TENM2: variants seen among roughly 807,000 people sequenced by gnomAD.
TENM2 encodes the protein teneurin-2.
In TENM2, 52 loss-of-function variants were observed where a neutral mutation model predicts 245.2. That is an observed-to-expected ratio of 0.21 (90% CI 0.17 to 0.27). The LOEUF is 0.27. Ranked by LOEUF, TENM2 falls within the 10% of genes least tolerant of loss-of-function variation. TENM2 has a pLI of 1.00. For synonymous variants in TENM2, 1,363 were observed against 1,438.9 expected, an observed-to-expected ratio of 0.95 and a Z score of 1.19; for missense variants, 3,046 against 3,666.8, an observed-to-expected ratio of 0.83 and a Z score of 4.37.
At chr5:167,208,914 C>T in the TENM2 span, among the ~76,000 whole-genome samples, 2 of 152,170 alleles carry the variant, frequency 1.3e-5, no homozygotes, top group African/African-American at 4.8e-5. Flanking sequence ...AGAATGAGAA[C>T]ATAGTTACTC....
intron 12 of TENM2, among the ~76,000 whole-genome samples, chr5:168,141,683 G>A (rs1428576613): frequency 6.6e-6 from 1 of 152,162 alleles, no homozygotes; most frequent in South Asian, 2.1e-4. Context: ...AAGGTATATA[G>A]ATTTAAAAAG....
intron 4 of TENM2, among the ~76,000 whole-genome samples, chr5:167,958,412 T>G (rs746814187): frequency 6.6e-6 from 1 of 152,222 alleles, no homozygotes; most frequent in Admixed American, 6.5e-5. Context: ...AGCACACTGA[T>G]GGGTCTTGAC....
At chr5:168,107,367 C>A (rs1003287224) in intron 9 of TENM2, among the ~76,000 whole-genome samples, 5 of 152,208 alleles carry the variant, frequency 3.3e-5, no homozygotes, top group South Asian at 4.1e-4. Context: ...GGGCATGTCA[C>A]TACTGTCCTC....
intron 2 of TENM2, among the ~76,000 whole-genome samples, chr5:167,657,564 T>C (rs544030152): frequency 6.6e-6 from 1 of 152,364 alleles, no homozygotes; most frequent in African/African-American, 2.4e-5. Context: ...CTCCATACTG[T>C]CCTTCACAGT....
chr5:167,941,712 G>C (rs1328430789), intron 3 of TENM2, among the ~76,000 whole-genome samples: 1 of 151,318 alleles, frequency 6.6e-6, no homozygotes, highest in Non-Finnish European at 1.5e-5. Context: ...AAATTAGCCA[G>C]GCATGGTGGT....
At chr5:167,638,641 AT>A (rs1779366899) in intron 2 of TENM2, among the ~76,000 whole-genome samples, 1 of 152,258 alleles carries the variant, frequency 6.6e-6, no homozygotes, top group Non-Finnish European at 1.5e-5. Context: ...TAGATAGATT[AT>A]TTAAAGATCA....
At chr5:167,769,791 G>A (rs534679973) in intron 2 of TENM2, among the ~76,000 whole-genome samples, 2 of 152,262 alleles carry the variant, frequency 1.3e-5, no homozygotes, top group East Asian at 3.9e-4. Flanking sequence ...CCAGGCTATT[G>A]CCTATGAATA....
intron 2 of TENM2, among the ~76,000 whole-genome samples, chr5:167,750,825 T>C (rs538107739): frequency 6.6e-6 from 1 of 152,282 alleles, no homozygotes; most frequent in South Asian, 2.1e-4. Context: ...CATGGCTGTT[T>C]AGAAGGTTTC....
chr5:167,128,374 T>G, the TENM2 span, among the ~76,000 whole-genome samples: 1 of 152,108 alleles, frequency 6.6e-6, no homozygotes, highest in African/African-American at 2.4e-5. Context: ...CAGGGGAGTC[T>G]CAAACTTGAT....
chr5:167,711,745 C>A (rs1446224262), intron 2 of TENM2, among the ~76,000 whole-genome samples: 1 of 152,164 alleles, frequency 6.6e-6, no homozygotes, highest in Non-Finnish European at 1.5e-5. Flanking sequence ...TAGACCCAAC[C>A]AGCCACCTGT....
At chr5:167,087,964 A>G in the TENM2 span, among the ~76,000 whole-genome samples, 4 of 151,862 alleles carry the variant, frequency 2.6e-5, no homozygotes, top group Non-Finnish European at 4.4e-5. Flanking sequence ...TAATTTTTGT[A>G]TTTTTAGTAG....
chr5:168,223,850 A>G (rs1763898204), intron 23 of TENM2, among the ~76,000 whole-genome samples: 1 of 152,070 alleles, frequency 6.6e-6, no homozygotes, highest in African/African-American at 2.4e-5. Flanking sequence ...CAAAACCACC[A>G]TTAACATTTA....
At chr5:167,656,047 G>C (rs894412049) in intron 2 of TENM2, among the ~76,000 whole-genome samples, 1 of 152,266 alleles carries the variant, frequency 6.6e-6, no homozygotes, top group South Asian at 2.1e-4. Flanking sequence ...AGCTAATCCT[G>C]AAAGACACAG....
intron 2 of TENM2, among the ~76,000 whole-genome samples, chr5:167,551,858 C>T (rs1336192174): frequency 1.3e-5 from 2 of 152,118 alleles, no homozygotes; most frequent in Non-Finnish European, 1.5e-5. Context: ...GCAATCTCTG[C>T]AGTACTTGAA....
At chr5:168,062,022 C>T (rs770263084) in intron 6 of TENM2, 38 bp from the exon 9 acceptor site, 20 of 1,552,654 alleles carry the variant, frequency 1.3e-5, no homozygotes, top group Middle Eastern at 2.3e-4. Context: ...AATCTATACA[C>T]GTCATTGACT....
At chr5:167,914,101 A>G (rs921069807) in intron 3 of TENM2, among the ~76,000 whole-genome samples, 2 of 152,190 alleles carry the variant, frequency 1.3e-5, no homozygotes, top group Non-Finnish European at 2.9e-5. Flanking sequence ...CTGTCTTCCT[A>G]TATTGACTGA....
At chr5:167,870,768 T>C (rs2151341266) in intron 2 of TENM2, among the ~76,000 whole-genome samples, 2 of 151,718 alleles carry the variant, frequency 1.3e-5, no homozygotes, top group South Asian at 2.1e-4. Flanking sequence ...TGAATACAAT[T>C]ATTCCTAGTA....
At chr5:167,630,061 C>G (rs1376721323) in intron 2 of TENM2, among the ~76,000 whole-genome samples, 1 of 151,914 alleles carries the variant, frequency 6.6e-6, no homozygotes, top group Non-Finnish European at 1.5e-5. Context: ...GTACAATGCA[C>G]ATATTTCTTT....
At chr5:167,282,976 C>T (rs1223697967), upstream of TENM2, among the ~76,000 whole-genome samples, 2 of 152,118 alleles carry the variant, frequency 1.3e-5, no homozygotes, top group East Asian at 1.9e-4. Context: ...CTAGCTACTG[C>T]TTGTGCTTTC....
Sources: allele counts gnomAD v4.1 joint callset (sites outside exome capture counted in the v4.1 genomes callset), GRCh38; gene constraint gnomAD v4.1.1; transcripts MANE v1.5; gene names NCBI Gene and HGNC (gene_info 2026-07-23, HGNC 2026-07-21).